ST6GALNAC3: variants seen among roughly 807,000 people sequenced by gnomAD.
The protein encoded by ST6GALNAC3 is alpha-N-acetylgalactosaminide alpha-2,6-sialyltransferase 3.
In ST6GALNAC3, 25 loss-of-function variants were observed where a neutral mutation model predicts 32.7. That is an observed-to-expected ratio of 0.76 (90% CI 0.56 to 1.07). ST6GALNAC3 has a LOEUF of 1.07. Among genes scored for constraint, ST6GALNAC3 ranks in the 50% least tolerant of loss-of-function variants. The pLI, the probability that ST6GALNAC3 is intolerant of heterozygous loss-of-function variation, is 0.00. For missense variants in ST6GALNAC3, 355 were observed against 382.4 expected (o/e 0.93, Z 0.60); for synonymous variants, 129 against 133.1 (o/e 0.97, Z 0.21).
intron 2 of ST6GALNAC3, among the ~76,000 whole-genome samples, chr1:76,371,257 T>C (rs1650788621): frequency 6.6e-6 from 1 of 152,152 alleles, no homozygotes. Flanking sequence ...CCAAGAAAGC[T>C]ATCACCAAAA....
intron 2 of ST6GALNAC3, among the ~76,000 whole-genome samples, chr1:76,342,053 G>A (rs1393054998): frequency 6.6e-6 from 1 of 152,068 alleles, no homozygotes; most frequent in Non-Finnish European, 1.5e-5. Flanking sequence ...CCTTTTTAAT[G>A]GCTGCATAGT....
At chr1:76,609,619 G>A (rs1647788305) in intron 3 of ST6GALNAC3, among the ~76,000 whole-genome samples, 1 of 151,982 alleles carries the variant, frequency 6.6e-6, no homozygotes, top group South Asian at 2.1e-4. Flanking sequence ...AATTGGGGGT[G>A]GGGAGATTAT....
intron 3 of ST6GALNAC3, among the ~76,000 whole-genome samples, chr1:76,553,272 G>A (rs954319257): frequency 2.6e-5 from 4 of 152,074 alleles, no homozygotes; most frequent in East Asian, 1.9e-4. Context: ...CATGTAAAAC[G>A]TGTATAATAG....
rs1652243529 is a variant in ST6GALNAC3, at chr1:76,168,131, A to G, written c.18+93247A>G. ...TTTGATGTAGTCATTTAGTGCTATAAATTTCCTTCTTAATACTGCCTTAGT... is the reference window on the plus strand; with the variant it reads ...TTTGATGTAGTCATTTAGTGCTATAGATTTCCTTCTTAATACTGCCTTAGT... On this transcript the variant is annotated intron_variant, in intron 1 of 4. Transcript: ENST00000328299. Among the ~76,000 whole-genome samples the G allele has an allele frequency of 2.6e-5, 4 of 152,222 alleles. No individual in the cohort carries two copies. In the South Asian group the frequency reaches 8.3e-4, roughly 32 times the overall value.
At chr1:76,104,859 G>A (rs1229768721) in intron 1 of ST6GALNAC3, among the ~76,000 whole-genome samples, 2 of 152,138 alleles carry the variant, frequency 1.3e-5, no homozygotes, top group African/African-American at 2.4e-5. Flanking sequence ...AGAGAAGAGA[G>A]CTTGGGCAGG....
chr1:76,168,328 G>C (rs753489006), intron 1 of ST6GALNAC3, among the ~76,000 whole-genome samples: 4 of 152,082 alleles, frequency 2.6e-5, no homozygotes, highest in Non-Finnish European at 5.9e-5. Context: ...TTTCTAATTT[G>C]ATTGTGCTGT....
At chr1:76,252,281 T>A (rs572581) in intron 1 of ST6GALNAC3, among the ~76,000 whole-genome samples, 7 of 151,938 alleles carry the variant, frequency 4.6e-5, no homozygotes, top group Admixed American at 2.0e-4. Flanking sequence ...AATATGTCTC[T>A]TTCATGGTCA....
intron 1 of ST6GALNAC3, among the ~76,000 whole-genome samples, chr1:76,211,179 G>GA (rs1328814811): frequency 1.3e-5 from 2 of 152,134 alleles, no homozygotes; most frequent in African/African-American, 4.8e-5. Flanking sequence ...AAAGACACAT[G>GA]AAAAAATGCT....
At chr1:76,371,437 A>G (rs1019216537) in intron 2 of ST6GALNAC3, among the ~76,000 whole-genome samples, 4 of 152,216 alleles carry the variant, frequency 2.6e-5, no homozygotes, top group African/African-American at 9.6e-5. Context: ...GTGGAAGGGC[A>G]TCCTAGAAAA....
intron 3 of ST6GALNAC3, among the ~76,000 whole-genome samples, chr1:76,598,371 A>G (rs972313122): frequency 1.3e-5 from 2 of 152,170 alleles, no homozygotes; most frequent in African/African-American, 2.4e-5. Context: ...GATCCCATGC[A>G]CTTATGTACT....
At chr1:76,237,550 C>T (rs1656728515) in intron 1 of ST6GALNAC3, among the ~76,000 whole-genome samples, 1 of 151,992 alleles carries the variant, frequency 6.6e-6, no homozygotes, top group Admixed American at 6.5e-5. Flanking sequence ...CCTGATTTTT[C>T]AGAAATAAGG....
chr1:76,599,717 C>CGTGT (rs5775354), intron 3 of ST6GALNAC3, among the ~76,000 whole-genome samples: 105 of 142,104 alleles, frequency 7.4e-4, no homozygotes, highest in Middle Eastern at 7.0e-3. Flanking sequence ...ACTACCGTAT[C>CGTGT]GTGTGTGTGT....
chr1:76,367,565 T>C (rs1436452029), intron 2 of ST6GALNAC3, among the ~76,000 whole-genome samples: 1 of 152,146 alleles, frequency 6.6e-6, no homozygotes, highest in Non-Finnish European at 1.5e-5. Context: ...TTTATTTTTA[T>C]TATAAACCCA....
intron 3 of ST6GALNAC3, among the ~76,000 whole-genome samples, chr1:76,490,770 A>G (rs1368735359): frequency 1.3e-5 from 2 of 152,014 alleles, no homozygotes; most frequent in South Asian, 2.1e-4. Flanking sequence ...TCCCATCTTC[A>G]TTCAAAGTTA....
chr1:76,507,750 C>G (rs77661752), intron 3 of ST6GALNAC3, among the ~76,000 whole-genome samples: 4,876 of 152,266 alleles, frequency 0.032, 274 homozygotes, highest in African/African-American at 0.11. Context: ...CTTTACAACT[C>G]TTTGTGTGGA....
chr1:76,439,419 C>T (rs538255881), intron 3 of ST6GALNAC3, among the ~76,000 whole-genome samples: 12 of 152,106 alleles, frequency 7.9e-5, no homozygotes, highest in East Asian at 1.9e-4. Flanking sequence ...TAAAAAGGTC[C>T]GGGGCTTTGA....
chr1:76,158,635 G>T (rs777044839), intron 1 of ST6GALNAC3, among the ~76,000 whole-genome samples: 12 of 152,048 alleles, frequency 7.9e-5, no homozygotes, highest in Non-Finnish European at 1.6e-4. Context: ...TTGGCTACAG[G>T]TACTTTAATT....
At chr1:76,077,167 T>G (rs768516556) in intron 1 of ST6GALNAC3, among the ~76,000 whole-genome samples, 1 of 152,186 alleles carries the variant, frequency 6.6e-6, no homozygotes, top group Admixed American at 6.5e-5. Context: ...AGACAGCTGC[T>G]GCAACCTGGA....
At chr1:76,295,795 A>T (rs149026776) in intron 1 of ST6GALNAC3, among the ~76,000 whole-genome samples, 3 of 152,218 alleles carry the variant, frequency 2.0e-5, no homozygotes, top group African/African-American at 7.2e-5. Flanking sequence ...AGACTAGAAG[A>T]TAAGACTTAT....
Sources: gnomAD v4.1 joint callset for allele counts (sites outside exome capture counted in the v4.1 genomes callset) on GRCh38, gnomAD v4.1.1 for gene constraint, MANE v1.5 for transcripts, NCBI Gene and HGNC (gene_info 2026-07-23, HGNC 2026-07-21) for gene names.